The following MEIOSIN variants were observed in gnomAD, a reference collection of about 807,000 sequenced individuals.
MEIOSIN encodes meiosis initiator, also known as meiosis initiator protein.
MEIOSIN carries 18 observed loss-of-function variants against 23.4 expected under a neutral mutation model. The observed-to-expected ratio is 0.77, with a 90% CI of 0.53 to 1.14. The LOEUF (loss-of-function observed/expected upper bound fraction) is 1.14. Among genes scored for constraint, MEIOSIN ranks in the 50% most tolerant of loss-of-function variants. The pLI is 0.00. For synonymous variants in MEIOSIN, 187 were observed against 100.6 expected (o/e 1.86, Z -5.14); for missense variants, 428 against 242.9 (o/e 1.76, Z -5.07).
chr19:45,756,978 A>G (rs991433597), intron 8 of MEIOSIN, among the ~76,000 whole-genome samples, 199 bp from the exon 9 acceptor site: 2 of 152,090 alleles, frequency 1.3e-5, no homozygotes, highest in African/African-American at 4.8e-5. Context: ...ATCATCCTCC[A>G]GCGCCCTCGG....
intron 5 of MEIOSIN, among the ~76,000 whole-genome samples, chr19:45,751,311 T>TAATAATA (rs977199924): frequency 6.9e-5 from 10 of 145,482 alleles, no homozygotes; most frequent in African/African-American, 1.8e-4. Context: ...ATAATAATAA[T>TAATAATA]ATATACATAA....
At chr19:45,758,750 A>G in intron 9 of MEIOSIN, 128 bp from the exon 10 acceptor site, 1 of 607,988 alleles carries the variant, frequency 1.6e-6, no homozygotes, top group Non-Finnish European at 3.0e-6. Flanking sequence ...TCTGTGATCA[A>G]GAATTCAAAA....
At chr19:45,740,883 G>A (rs1968493343) in intron 3 of MEIOSIN, among the ~76,000 whole-genome samples, 1 of 151,976 alleles carries the variant, frequency 6.6e-6, no homozygotes, top group South Asian at 2.1e-4. Flanking sequence ...TGCCACTTTA[G>A]AAGTCTGAGC....
chr19:45,735,397 C>T lies in MEIOSIN; in HGVS notation c.21C>T (p.Tyr7=). Reference sequence around the variant, plus strand: ...TGCAGATGTTTGGTTCCAGCAGATACTTGGGTTCCTCTGAACAGCCCAGAG... The same window carrying T: ...TGCAGATGTTTGGTTCCAGCAGATATTTGGGTTCCTCTGAACAGCCCAGAG... MFGSSR[Y]LGSSEQPRAN... The change falls in exon 2 of 15, where the codon TAC becomes TAT. Residue 7 remains tyrosine, a synonymous_variant. Coordinates refer to ENST00000457052, the MANE Select transcript of MEIOSIN (RefSeq NM_001310124.2). 2 of 702,842 alleles carry T rather than the reference C, an allele frequency of 2.8e-6. No individual in the cohort carries two copies. The highest frequency in any genetic ancestry group is 5.2e-6 in the Non-Finnish European group (2 of 384,928). The allele number at this position is 702,842 out of a possible 1,614,324, so 43.5% of individuals were successfully genotyped here. A position where few individuals can be genotyped will look rare whatever the true frequency, so the allele number is the denominator to read the frequency against.
At chr19:45,750,260 C>G (rs1373076307) in intron 4 of MEIOSIN, among the ~76,000 whole-genome samples, 2 of 147,540 alleles carry the variant, frequency 1.4e-5, no homozygotes, top group African/African-American at 5.0e-5. Context: ...TCACTGCAAC[C>G]TTTGCTTCAG....
intron 5 of MEIOSIN, among the ~76,000 whole-genome samples, chr19:45,753,295 T>A (rs569280727): frequency 6.6e-6 from 1 of 152,144 alleles, no homozygotes; most frequent in Non-Finnish European, 1.5e-5. Flanking sequence ...AAGGCCCCAG[T>A]GACCTTGAGG....
intron 4 of MEIOSIN, among the ~76,000 whole-genome samples, chr19:45,748,178 C>T (rs1398306180): frequency 6.6e-6 from 1 of 151,906 alleles, no homozygotes; most frequent in Admixed American, 6.6e-5. Flanking sequence ...CCTGGGTTCA[C>T]GCCATTCTCC....
Position 45,754,692 on chromosome 19 carries a change from T to C in MEIOSIN, c.770T>C (p.Leu257Pro). ...CAGTCCCAGCTGACGCTGTTGGATC[T>C]GGCCGAGGACACCATCCACTGTGAC... ...GGQSQLTLLD[L>P]AEDTIHCDIS... Residue 257 changes from leucine to proline, a missense_variant, in exon 7 of 15, where the codon CTG (leucine) becomes CCG (proline). Coordinates refer to ENST00000457052, the MANE Select transcript of MEIOSIN (RefSeq NM_001310124.2). The C allele has an allele frequency of 1.4e-6, 1 of 703,090 alleles. No individual in the cohort carries two copies. The highest frequency in any genetic ancestry group is 1.5e-5 in the South Asian group (1 of 67,606). 43.6% of individuals were successfully genotyped at this position (703,090 alleles called of 1,614,324 possible).
chr19:45,735,505 C>T (rs910380026), intron 2 of MEIOSIN, 58 bp downstream of exon 2: 25 of 669,352 alleles, frequency 3.7e-5, no homozygotes, highest in African/African-American at 7.2e-5. Flanking sequence ...ATAATAATAA[C>T]AAAAACATTT....
chr19:45,759,591 C>G, intron 11 of MEIOSIN, 101 bp downstream of exon 11: 1 of 664,682 alleles, frequency 1.5e-6, no homozygotes, highest in Non-Finnish European at 2.8e-6. Flanking sequence ...ACCCTTTCAG[C>G]CACCATCTAC....
chr19:45,751,118 C>T (rs1416328473), intron 5 of MEIOSIN, among the ~76,000 whole-genome samples: 1 of 151,806 alleles, frequency 6.6e-6, no homozygotes, highest in Non-Finnish European at 1.5e-5. Flanking sequence ...ACTAAAAATA[C>T]AAAAATTAGC....
intron 14 of MEIOSIN, among the ~76,000 whole-genome samples, chr19:45,763,731 C>T (rs531094085): frequency 6.6e-6 from 1 of 152,164 alleles, no homozygotes; most frequent in African/African-American, 2.4e-5. Context: ...TCGACTCCCC[C>T]GAATCCTGTC....
chr19:45,754,901 G>A (rs1189941254), intron 7 of MEIOSIN, among the ~76,000 whole-genome samples, 177 bp downstream of exon 7: 1 of 152,196 alleles, frequency 6.6e-6, no homozygotes, highest in Non-Finnish European at 1.5e-5. Context: ...AGGCTGTGTC[G>A]TGGCTGTAAT....
chr19:45,758,865 G>C lies in MEIOSIN; in HGVS notation c.1013-13G>C, dbSNP rs551586364. The stretch of plus-strand genomic sequence containing the variant: ...CTCTGGCCACACCCCTGAGTCTGCT[G>C]TTCCCTTTCCAGGGAGCCCACTGTT... On this transcript the variant is annotated splice_polypyrimidine_tract_variant and intron_variant, in intron 9 of 14. Transcript: ENST00000457052. 2.8e-5 allele frequency: 20 copies of C among 702,998 alleles called. No homozygotes were observed. The East Asian group carries it at 4.3e-4, about 15-fold the overall frequency. 43.5% of individuals were successfully genotyped at this position (702,998 alleles called of 1,614,324 possible). A position where few individuals can be genotyped will look rare whatever the true frequency, so the allele number is the denominator to read the frequency against.
chr19:45,744,566 C>T (rs575533451), intron 3 of MEIOSIN, among the ~76,000 whole-genome samples: 4 of 152,090 alleles, frequency 2.6e-5, no homozygotes, highest in Admixed American at 6.6e-5. Flanking sequence ...GGATTACAGG[C>T]GCCTACCACC....
chr19:45,763,953 C>G lies in MEIOSIN; in HGVS notation c.1770-18C>G. 1 of 398,766 alleles carries G rather than the reference C, an allele frequency of 2.5e-6. No individual in the cohort carries two copies. Among genetic ancestry groups the G allele is most frequent in the African/African-American group, 2.1e-5 (1 of 48,764 alleles). The allele number at this position is 398,766 out of a possible 1,614,324, so 24.7% of individuals were successfully genotyped here. A position where few individuals can be genotyped will look rare whatever the true frequency, so the allele number is the denominator to read the frequency against. The stretch of plus-strand genomic sequence containing the variant: ...AGGCGAGTGAGGAAGCCAGGCCATC[C>G]TGCCACCGTCTCCCCAGCACCAAGG... On this transcript the variant is annotated intron_variant, in intron 14 of 14. Coordinates refer to ENST00000457052, the MANE Select transcript of MEIOSIN (RefSeq NM_001310124.2).
At chr19:45,760,667 G>T (rs1253468671) in intron 11 of MEIOSIN, among the ~76,000 whole-genome samples, 2 of 151,938 alleles carry the variant, frequency 1.3e-5, no homozygotes, top group African/African-American at 4.8e-5. Flanking sequence ...GGTGGCTCAT[G>T]CCTATACTTC....
At chr19:45,755,252 C>T (rs182453004) in intron 7 of MEIOSIN, among the ~76,000 whole-genome samples, 2 of 148,948 alleles carry the variant, frequency 1.3e-5, no homozygotes, top group East Asian at 4.0e-4. Flanking sequence ...TGGATTCAAG[C>T]GACTCTCCTG....
At chr19:45,745,140 G>A in intron 3 of MEIOSIN, 52 bp from the exon 4 acceptor site, 1 of 702,048 alleles carries the variant, frequency 1.4e-6, no homozygotes, top group African/African-American at 1.7e-5. Context: ...CGGGTTGGAT[G>A]TGGAATTCGT....
Sources: allele counts gnomAD v4.1 joint callset (sites outside exome capture counted in the v4.1 genomes callset), GRCh38; gene constraint gnomAD v4.1.1; transcripts MANE v1.5; gene names NCBI Gene and HGNC (gene_info 2026-07-23, HGNC 2026-07-21).